LAP3: variants seen among roughly 807,000 people sequenced by gnomAD.
LAP3 encodes cytosol aminopeptidase.
In LAP3, 46 loss-of-function variants were observed where a neutral mutation model predicts 58.8. That is an observed-to-expected ratio of 0.78 (90% CI 0.62 to 1.00). LAP3 has a LOEUF of 1.00. Ranked by LOEUF, LAP3 falls within the 50% of genes least tolerant of loss-of-function variation. LAP3 has a pLI of 0.00. For synonymous variants in LAP3, 257 were observed against 237.7 expected (o/e 1.08, Z -0.75); for missense variants, 615 against 659.1 (o/e 0.93, Z 0.73).
Position 17,577,557 on chromosome 4 carries a change from A to C in LAP3, c.92A>C (p.Asp31Ala). Residue 31 changes from aspartate to alanine, a missense_variant, in exon 1 of 13, where the codon GAC becomes GCC. By Grantham distance (126) the Asp-to-Ala change is moderately radical. Coordinates refer to ENST00000226299, the MANE Select transcript of LAP3 (RefSeq NM_015907.3). ...GGGAGCCGGAGTCTCTCCACCGCAG[A>C]CATGACGAAGGTGAGAGGCGGCGGC... ...RFGSRSLSTA[D>A]MTKGLVLGIY... 1 of 1,561,482 alleles carries C rather than the reference A, an allele frequency of 6.4e-7. No homozygotes were observed. The highest frequency in any genetic ancestry group is 8.7e-7 in the Non-Finnish European group (1 of 1,154,166).
At chr4:17,607,334 C>A in intron 12 of LAP3, 66 bp from the exon 13 acceptor site, 1 of 1,439,108 alleles carries the variant, frequency 6.9e-7, no homozygotes, top group Non-Finnish European at 9.5e-7. Context: ...ATGTACTTAG[C>A]AAAAATGTGG....
chr4:17,598,371 C>G, intron 9 of LAP3, 85 bp from the exon 10 acceptor site: 6 of 1,000,256 alleles, frequency 6.0e-6, no homozygotes, highest in Non-Finnish European at 9.6e-6. Flanking sequence ...CTTTTTCCAA[C>G]TTTTCCGTCG....
At chr4:17,599,470 A>G (rs983366193) in intron 10 of LAP3, among the ~76,000 whole-genome samples, 1 of 152,086 alleles carries the variant, frequency 6.6e-6, no homozygotes, top group African/African-American at 2.4e-5. Context: ...CCAGAGGTGG[A>G]GGTTGTAGTG....
rs1305567974 is a variant in LAP3, at chr4:17,607,465, AT to A, written c.1439del (p.Leu480Ter). 5 of 1,614,148 alleles carry A rather than the reference AT, an allele frequency of 3.1e-6. No homozygotes were observed. Among genetic ancestry groups the A allele is most frequent in the Non-Finnish European group, 3.4e-6 (4 of 1,180,026 alleles). On this transcript the variant is annotated frameshift_variant, in exon 13 of 13. Coordinates refer to ENST00000226299, the MANE Select transcript of LAP3 (RefSeq NM_015907.3). LOFTEE classifies it high-confidence loss of function. ...KEFVTHPKWA[H>X]LDIAGVMTNK... ...TTCGTAACTCATCCTAAGTGGGCAC[AT>A]TTAGACATAGCAGGCGTGATGACCA...
intron 7 of LAP3, 148 bp downstream of exon 7, chr4:17,589,125 A>G: frequency 1.3e-6 from 1 of 758,946 alleles, no homozygotes; most frequent in Admixed American, 2.9e-5. Flanking sequence ...CAGTGGCGTG[A>G]TCTCGGCTCA....
At chr4:17,604,426 A>C (rs560820365) in intron 10 of LAP3, among the ~76,000 whole-genome samples, 162 bp from the exon 11 acceptor site, 1 of 152,302 alleles carries the variant, frequency 6.6e-6, no homozygotes, top group East Asian at 1.9e-4. Context: ...GAAAAACATA[A>C]AAATATGTTA....
At chr4:17,604,722 G>T (rs1714077311) in intron 11 of LAP3, 55 bp downstream of exon 11, 2 of 1,304,276 alleles carry the variant, frequency 1.5e-6, no homozygotes, top group Non-Finnish European at 2.2e-6. Flanking sequence ...AATTATTCTA[G>T]CCTTAGAAGG....
intron 11 of LAP3, among the ~76,000 whole-genome samples, chr4:17,605,664 A>G (rs918612154): frequency 2.0e-5 from 3 of 152,004 alleles, no homozygotes; most frequent in African/African-American, 4.8e-5. Context: ...ACGAAGCCCA[A>G]TTTTCCCAGT....
chr4:17,588,925 A>G lies in LAP3; in HGVS notation c.811A>G (p.Asn271Asp), dbSNP rs1158020874. Residue 271 changes from asparagine (N) to aspartate (D), a missense_variant, in exon 7 of 13, where the codon AAT (asparagine) becomes GAT (aspartate). Asn to Asp is a conservative substitution (Grantham distance 23). Transcript: ENST00000226299. ...GGAAATTCACTACAAAGGCAGCCCC[A>G]ATGCAAACGAACCACCCCTGGTGTT... Reference protein sequence around the residue: ...FLEIHYKGSPNANEPPLVFVG... With the variant: ...FLEIHYKGSPDANEPPLVFVG... The G allele has an allele frequency of 6.2e-7, 1 of 1,614,088 alleles. No individual in the cohort carries two copies. The highest frequency in any genetic ancestry group is 8.5e-7 in the Non-Finnish European group (1 of 1,180,042).
At chr4:17,589,958 A>G (rs894974384) in intron 7 of LAP3, among the ~76,000 whole-genome samples, 2 of 152,212 alleles carry the variant, frequency 1.3e-5, no homozygotes, top group African/African-American at 4.8e-5. Flanking sequence ...AGAGTTGGAA[A>G]CTGTATCTGG....
intron 7 of LAP3, among the ~76,000 whole-genome samples, chr4:17,589,209 C>T (rs1428097010): frequency 4.0e-5 from 6 of 151,792 alleles, no homozygotes; most frequent in Admixed American, 1.3e-4. Flanking sequence ...TACAGGCGTG[C>T]ACCACCACAC....
At chr4:17,577,960 G>A (rs1713254691) in intron 1 of LAP3, among the ~76,000 whole-genome samples, 1 of 152,192 alleles carries the variant, frequency 6.6e-6, no homozygotes, top group Admixed American at 6.5e-5. Flanking sequence ...AGAGTCACAG[G>A]GCTCCTTCCC....
intron 1 of LAP3, among the ~76,000 whole-genome samples, chr4:17,578,408 G>A (rs560740944): frequency 1.4e-4 from 21 of 152,166 alleles, no homozygotes; most frequent in Non-Finnish European, 2.6e-4. Context: ...TTAGAACCTG[G>A]CAGAGTTACC....
rs147947148 is a variant in LAP3 at position 17,599,260 on chromosome 4, C to T, written c.1180+702C>T. 3.2e-3 allele frequency among the ~76,000 whole-genome samples: 486 copies of T among 152,126 alleles called. 8 individuals carry two copies. Among genetic ancestry groups the T allele is most frequent in the South Asian group, 0.031 (151 of 4,794 alleles). On this transcript the variant is annotated intron_variant, in intron 10 of 12. Transcript: ENST00000226299. ...GACATCTAAAAATGATGTTAAGAGC[C>T]AGGAGCGGTGGCTCACACCTGTAAT...
rs553852818 is a variant in LAP3, at chr4:17,604,685, A to G, written c.1260+18A>G. On this transcript the variant is annotated intron_variant, in intron 11 of 12. Coordinates refer to ENST00000226299, the MANE Select transcript of LAP3 (RefSeq NM_015907.3). ...TCTTCGAGGTAGGAATAATATTTGT[A>G]TATCTAAATTGTAGAGATGGTGAAT... 1 of 1,539,976 alleles carries G rather than the reference A, an allele frequency of 6.5e-7. No individual in the cohort carries two copies. The highest frequency in any genetic ancestry group is 9.0e-7 in the Non-Finnish European group (1 of 1,112,322).
chr4:17,606,788 C>T, intron 11 of LAP3, 41 bp from the exon 12 acceptor site: 8 of 1,372,730 alleles, frequency 5.8e-6, no homozygotes, highest in Non-Finnish European at 8.2e-6. Flanking sequence ...TTCCCACAAC[C>T]TGCCTCATCC....
chr4:17,595,668 T>C, intron 8 of LAP3, 134 bp downstream of exon 8: 2 of 1,049,966 alleles, frequency 1.9e-6, no homozygotes, highest in South Asian at 3.1e-5. Context: ...AAGCAGTAGC[T>C]ATTTAGCCCA....
chr4:17,588,750 T>G, intron 6 of LAP3, 69 bp from the exon 7 acceptor site: 41 of 1,439,382 alleles, frequency 2.8e-5, no homozygotes, highest in Middle Eastern at 2.1e-4. Flanking sequence ...CACACTGTGA[T>G]GAGCTTTTTC....
chr4:17,598,313 A>G lies in LAP3; in HGVS notation c.1078-143A>G, dbSNP rs377738422. ...TGCTCTCCAGATTAGATATGTTCCTATTCTCATTGAAGTATGAATGGTTTG... is the reference window on the plus strand; with the variant it reads ...TGCTCTCCAGATTAGATATGTTCCTGTTCTCATTGAAGTATGAATGGTTTG... On this transcript the variant is annotated intron_variant, in intron 9 of 12. Coordinates refer to ENST00000226299, the MANE Select transcript of LAP3 (RefSeq NM_015907.3). 152 of 701,818 alleles carry G rather than the reference A, an allele frequency of 2.2e-4. 1 individual carries two copies. The highest frequency in any genetic ancestry group is 1.2e-3 in the Middle Eastern group (5 of 4,186). The allele number at this position is 701,818 out of a possible 1,614,324, so 43.5% of individuals were successfully genotyped here. A position where few individuals can be genotyped will look rare whatever the true frequency, so the allele number is the denominator to read the frequency against.
Sources: allele counts gnomAD v4.1 joint callset (sites outside exome capture counted in the v4.1 genomes callset), GRCh38; gene constraint gnomAD v4.1.1; transcripts MANE v1.5; gene names NCBI Gene and HGNC (gene_info 2026-07-23, HGNC 2026-07-21).